PPFIA2: variants seen among roughly 807,000 people sequenced by gnomAD.
PPFIA2 encodes the protein PPFI scaffold protein A2, also known as liprin-alpha-2.
In PPFIA2, 46 loss-of-function variants were observed where a neutral mutation model predicts 175.5. The ratio of observed to expected loss-of-function variants is 0.26; its 90% confidence interval spans 0.21 to 0.34. The LOEUF is 0.34. Ranked by LOEUF, PPFIA2 falls within the 10% of genes least tolerant of loss-of-function variation. The pLI, the probability that PPFIA2 is intolerant of heterozygous loss-of-function variation, is 1.00. For synonymous variants in PPFIA2, 568 were observed against 511.4 expected (o/e 1.11, Z -1.49); for missense variants, 1,179 against 1,506.1 (o/e 0.78, Z 3.60).
intron 4 of PPFIA2, among the ~76,000 whole-genome samples, chr12:81,602,045 TTAAAG>T (rs1442261656): frequency 1.3e-4 from 20 of 151,842 alleles, no homozygotes; most frequent in African/African-American, 4.6e-4. Flanking sequence ...ATTGTGTGCC[TTAAAG>T]TATTTTATCA....
chr12:81,621,363 T>C (rs1292891866), intron 4 of PPFIA2, among the ~76,000 whole-genome samples: 2 of 152,192 alleles, frequency 1.3e-5, no homozygotes, highest in Admixed American at 1.3e-4. Flanking sequence ...CCACATTGTG[T>C]TGGTTCTTGC....
intron 18 of PPFIA2, among the ~76,000 whole-genome samples, chr12:81,346,631 A>G: frequency 6.6e-6 from 1 of 151,482 alleles, no homozygotes; most frequent in South Asian, 2.1e-4. Context: ...ATATAAAGAT[A>G]AATGAAATAA....
Position 81,679,274 on chromosome 12 carries a change from A to G in PPFIA2, c.250-2430T>C, listed in dbSNP as rs145900887. ...AATGTTATTTCCAATTATACTTAAA[A>G]TGAAAAAAAGATACCAAGTGCATTT... On this transcript the variant is annotated intron_variant, in intron 3 of 32. Coordinates refer to ENST00000549396, the MANE Select transcript of PPFIA2 (RefSeq NM_003625.5). Among the ~76,000 whole-genome samples the G allele has an allele frequency of 2.0e-5, 3 of 152,054 alleles. No individual in the cohort carries two copies. The East Asian group carries it at 5.8e-4, about 29-fold the overall frequency.
At chr12:81,450,367 G>A (rs539931163) in intron 5 of PPFIA2, among the ~76,000 whole-genome samples, 1 of 152,198 alleles carries the variant, frequency 6.6e-6, no homozygotes, top group South Asian at 2.1e-4. Flanking sequence ...TTGTGGTTTT[G>A]ATTTGCATTC....
intron 18 of PPFIA2, among the ~76,000 whole-genome samples, chr12:81,346,927 T>C (rs546251742): frequency 6.6e-6 from 1 of 151,756 alleles, no homozygotes; most frequent in Non-Finnish European, 1.5e-5. Flanking sequence ...TAAAAAAAAA[T>C]TATTTTATTT....
intron 4 of PPFIA2, among the ~76,000 whole-genome samples, chr12:81,638,154 G>A (rs1038025396): frequency 1.3e-5 from 2 of 151,630 alleles, no homozygotes; most frequent in Non-Finnish European, 2.9e-5. Context: ...TTCCTCCCTA[G>A]TCACTTATGT....
chr12:81,700,886 C>T (rs529614380), intron 3 of PPFIA2, among the ~76,000 whole-genome samples: 8 of 151,978 alleles, frequency 5.3e-5, no homozygotes, highest in East Asian at 3.9e-4. Flanking sequence ...ACTAAGAATG[C>T]TCATAGTTTA....
chr12:81,581,181 T>C (rs1010461488), intron 4 of PPFIA2, among the ~76,000 whole-genome samples: 2 of 150,278 alleles, frequency 1.3e-5, no homozygotes, highest in Non-Finnish European at 3.0e-5. Context: ...AAAGGAAATC[T>C]AAAATCTCCT....
intron 3 of PPFIA2, among the ~76,000 whole-genome samples, chr12:81,690,161 GAT>G (rs1261128878): frequency 6.6e-6 from 1 of 151,978 alleles, no homozygotes; most frequent in East Asian, 1.9e-4. Context: ...CCTTAAACTG[GAT>G]TGTGAATCTT....
At position 81,415,015 on chromosome 12, in the gene PPFIA2, G is replaced by C. The variant is rs886221028; in HGVS notation, c.646-9112C>G. 2.0e-5 allele frequency among the ~76,000 whole-genome samples: 3 copies of C among 149,406 alleles called. No individual in the cohort carries two copies. In the Admixed American group the frequency reaches 2.0e-4, roughly 10 times the overall value. Reference sequence around the variant, plus strand: ...AATGGAGAGCAACTTCATGTAGTCTGTGCAGTTTGATCAGCTTACATGTAA... The same window carrying C: ...AATGGAGAGCAACTTCATGTAGTCTCTGCAGTTTGATCAGCTTACATGTAA... On this transcript the variant is annotated intron_variant, in intron 7 of 32. Transcript: ENST00000549396.
intron 7 of PPFIA2, among the ~76,000 whole-genome samples, chr12:81,434,319 T>G (rs2048611531): frequency 6.6e-6 from 1 of 152,092 alleles, no homozygotes; most frequent in Non-Finnish European, 1.5e-5. Context: ...GTACATATTA[T>G]AGATGAGAAC....
rs1421355172 is a variant in PPFIA2, at chr12:81,374,736, A to T, written c.1164T>A (p.Arg388=). 1 of 1,613,096 alleles carries T rather than the reference A, an allele frequency of 6.2e-7. No individual in the cohort carries two copies. The highest frequency in any genetic ancestry group is 1.7e-5 in the Admixed American group (1 of 59,932). Residue 388 remains arginine, a synonymous_variant, in exon 11 of 33, where the codon CGT becomes CGA. Coordinates refer to ENST00000549396, the MANE Select transcript of PPFIA2 (RefSeq NM_003625.5). ...MEEKNRQLQE[R]LELAEQKLQQ... ...GCAACTTTTGTTCAGCTAGCTCAAG[A>T]CGTTCTTGTAACTGTCTGTTTTTCT...
intron 4 of PPFIA2, among the ~76,000 whole-genome samples, chr12:81,644,506 T>C (rs1340570428): frequency 6.6e-6 from 1 of 152,198 alleles, no homozygotes; most frequent in East Asian, 1.9e-4. Flanking sequence ...AGTACAATAT[T>C]GCAGACTTGT....
intron 4 of PPFIA2, among the ~76,000 whole-genome samples, chr12:81,578,084 G>C (rs1249635780): frequency 2.0e-5 from 3 of 151,786 alleles, no homozygotes; most frequent in East Asian, 2.0e-4. Context: ...CTATGGGCTG[G>C]AGGCCTTAGT....
chr12:81,634,432 T>C (rs1778713645), intron 4 of PPFIA2, among the ~76,000 whole-genome samples: 1 of 152,058 alleles, frequency 6.6e-6, no homozygotes, highest in Admixed American at 6.5e-5. Context: ...TTTCTGGCCT[T>C]TGGTTGAACT....
At chr12:81,432,558 C>T (rs1468240249) in intron 7 of PPFIA2, among the ~76,000 whole-genome samples, 2 of 151,220 alleles carry the variant, frequency 1.3e-5, no homozygotes, top group Non-Finnish European at 2.9e-5. Flanking sequence ...CTCTGCCTCC[C>T]GGGTTCAAGC....
At chr12:81,595,146 A>T (rs1431958673) in intron 4 of PPFIA2, among the ~76,000 whole-genome samples, 1 of 151,858 alleles carries the variant, frequency 6.6e-6, no homozygotes, top group Non-Finnish European at 1.5e-5. Flanking sequence ...AGATGGTGTT[A>T]TTTACAAAGA....
In PPFIA2 at chr12:81,318,102, C is replaced by T. The variant is rs574854022; in HGVS notation, c.2642+7675G>A. ...TCTTATCACAAGGCCATAAAGAACACGTTTGGTTGTTCATTCTGTTGGCAG... is the reference window on the plus strand; with the variant it reads ...TCTTATCACAAGGCCATAAAGAACATGTTTGGTTGTTCATTCTGTTGGCAG... On this transcript the variant is annotated intron_variant, in intron 22 of 32. Coordinates refer to ENST00000549396, the MANE Select transcript of PPFIA2 (RefSeq NM_003625.5). 2.0e-5 allele frequency among the ~76,000 whole-genome samples: 3 copies of T among 151,762 alleles called. No homozygotes were observed. The South Asian group carries it at 6.2e-4, about 32-fold the overall frequency.
At chr12:81,337,107 T>A (rs1187394983) in intron 21 of PPFIA2, among the ~76,000 whole-genome samples, 4 of 152,144 alleles carry the variant, frequency 2.6e-5, no homozygotes, top group Admixed American at 6.6e-5. Flanking sequence ...CTGGAACCTG[T>A]TTAGACCTAT....
Sources: allele counts gnomAD v4.1 joint callset (sites outside exome capture counted in the v4.1 genomes callset), GRCh38; gene constraint gnomAD v4.1.1; transcripts MANE v1.5; gene names NCBI Gene and HGNC (gene_info 2026-07-23, HGNC 2026-07-21).